The following CSMD2 variants were observed in gnomAD, a reference collection of about 807,000 sequenced individuals.
The protein encoded by CSMD2 is CUB and Sushi multiple domains 2.
In CSMD2, 130 loss-of-function variants were observed where a neutral mutation model predicts 398.5. The observed-to-expected ratio is 0.33, with a 90% confidence interval of 0.28 to 0.38. The LOEUF (loss-of-function observed/expected upper bound fraction) is 0.38, where lower values mean the gene tolerates loss of function less well. CSMD2 is among the 10% of genes least tolerant of loss of function. CSMD2 has a pLI of 1.00. For synonymous variants in CSMD2, 1,828 were observed against 1,908.5 expected (o/e 0.96, Z 1.10); for missense variants, 3,829 against 4,764.9 (o/e 0.80, Z 5.78).
At chr1:33,868,701 A>C (rs993083894) in intron 5 of CSMD2, among the ~76,000 whole-genome samples, 5 of 151,892 alleles carry the variant, frequency 3.3e-5, no homozygotes, top group Admixed American at 2.0e-4. Flanking sequence ...GCACCATTGC[A>C]CTCCAGCCTG....
intron 25 of CSMD2, among the ~76,000 whole-genome samples, chr1:33,679,598 G>T (rs1467742701): frequency 6.6e-6 from 1 of 152,178 alleles, no homozygotes; most frequent in African/African-American, 2.4e-5. Flanking sequence ...AAGCAGCGTT[G>T]CTAAGAGTAT....
chr1:33,983,472 A>G (rs1646242354), intron 3 of CSMD2, among the ~76,000 whole-genome samples: 1 of 152,186 alleles, frequency 6.6e-6, no homozygotes, highest in South Asian at 2.1e-4. Flanking sequence ...GTAATTTCAA[A>G]GAGTCTGCAG....
At chr1:33,841,570 A>G (rs1199279701) in intron 6 of CSMD2, among the ~76,000 whole-genome samples, 1 of 152,102 alleles carries the variant, frequency 6.6e-6, no homozygotes, top group East Asian at 1.9e-4. Flanking sequence ...CATCATTTCC[A>G]TAGACTTGAA....
At chr1:34,093,831 T>C in intron 1 of CSMD2, among the ~76,000 whole-genome samples, 1 of 152,072 alleles carries the variant, frequency 6.6e-6, no homozygotes, top group Non-Finnish European at 1.5e-5. Context: ...TGGAAAACAC[T>C]CTGCAGGATA....
rs2148566321 is a variant in CSMD2, at chr1:33,533,829, G to A, written c.9958C>T (p.Leu3320=). The stretch of plus-strand genomic sequence containing the variant: ...TCAGGTGGGGTTCCACTCCAGGTCA[G>A]GTTTGGGAGGCAGGTCCTGGTGGTG... ...GSTTRTCLPN[L]TWSGTPPDCV... is the part of the protein sequence containing the mutation. Residue 3320 remains leucine (L), a synonymous_variant, in exon 63 of 71, where the codon CTG becomes TTG. Coordinates refer to ENST00000373381, the MANE Select transcript of CSMD2 (RefSeq NM_001281956.2). The surrounding 1 kb of genome is among the most constrained non-coding windows in gnomAD (Gnocchi z 4.2). The A allele has an allele frequency of 6.2e-7, 1 of 1,613,960 alleles. No homozygotes were observed. Among genetic ancestry groups the A allele is most frequent in the African/African-American group, 1.3e-5 (1 of 75,036 alleles).
At chr1:33,890,424 G>T (rs1333199168) in intron 5 of CSMD2, among the ~76,000 whole-genome samples, 6 of 151,976 alleles carry the variant, frequency 3.9e-5, no homozygotes, top group African/African-American at 1.4e-4. Flanking sequence ...TAGAGACGGG[G>T]TTTCACCATG....
At chr1:33,553,264 C>T (rs1424950007) in intron 55 of CSMD2, among the ~76,000 whole-genome samples, 1 of 152,216 alleles carries the variant, frequency 6.6e-6, no homozygotes, top group African/African-American at 2.4e-5. Context: ...CTCTGCATCA[C>T]ATTTTGGTAA....
chr1:34,105,336 AC>A (rs67038024), intron 1 of CSMD2, among the ~76,000 whole-genome samples: 47,077 of 152,138 alleles, frequency 0.31, 8,560 homozygotes, highest in Non-Finnish European at 0.41. Context: ...CAATGTGACA[AC>A]CAAAATTTCT....
chr1:34,108,492 T>C (rs1660739865), intron 1 of CSMD2, among the ~76,000 whole-genome samples: 1 of 152,218 alleles, frequency 6.6e-6, no homozygotes, highest in African/African-American at 2.4e-5. Context: ...GGTGCCTGAC[T>C]GGAGCAAGAG....
chr1:33,909,372 G>T (rs1643317196), intron 5 of CSMD2, among the ~76,000 whole-genome samples: 1 of 152,106 alleles, frequency 6.6e-6, no homozygotes, highest in Non-Finnish European at 1.5e-5. Context: ...CCTCAGAGAG[G>T]TCAGATTTAG....
intron 22 of CSMD2, 33 bp downstream of exon 22, chr1:33,709,056 T>C (rs758472258): frequency 5.3e-5 from 84 of 1,575,368 alleles, no homozygotes; most frequent in Admixed American, 2.3e-4. Flanking sequence ...TTGCATACTA[T>C]AACACACATA....
intron 15 of CSMD2, 53 bp downstream of exon 15, chr1:33,739,087 C>A: frequency 6.4e-7 from 1 of 1,554,052 alleles, no homozygotes; most frequent in Non-Finnish European, 8.7e-7. Context: ...TGCTCCCCCT[C>A]CCCAGCCTCT....
chr1:33,670,972 T>C (rs527667601), intron 25 of CSMD2, among the ~76,000 whole-genome samples: 1 of 151,938 alleles, frequency 6.6e-6, no homozygotes, highest in East Asian at 1.9e-4. Flanking sequence ...TGAGTCCAGA[T>C]GAAGGGGGTG....
At chr1:33,943,193 T>TA (rs1263184387) in intron 3 of CSMD2, among the ~76,000 whole-genome samples, 1 of 152,112 alleles carries the variant, frequency 6.6e-6, no homozygotes, top group Non-Finnish European at 1.5e-5. Flanking sequence ...AAAAAGGAAA[T>TA]AAAAAGAAAA....
intron 13 of CSMD2, among the ~76,000 whole-genome samples, chr1:33,757,298 AAAGTAT>A (rs1454611236): frequency 3.3e-5 from 5 of 151,882 alleles, no homozygotes; most frequent in East Asian, 1.9e-4. Context: ...CCTAAAACTT[AAAGTAT>A]AATAATAAAA....
intron 7 of CSMD2, among the ~76,000 whole-genome samples, chr1:33,823,881 T>G (rs1366415077): frequency 6.6e-6 from 1 of 152,170 alleles, no homozygotes; most frequent in Non-Finnish European, 1.5e-5. Context: ...CTGAGGGAGT[T>G]TTTGGCATCT....
At chr1:33,613,152 C>G (rs1641144777) in intron 40 of CSMD2, among the ~76,000 whole-genome samples, 1 of 152,208 alleles carries the variant, frequency 6.6e-6, no homozygotes, top group Non-Finnish European at 1.5e-5. Context: ...CCAACATTAA[C>G]TTGAAAGCAA....
At chr1:33,885,762 T>C (rs1641551034) in intron 5 of CSMD2, among the ~76,000 whole-genome samples, 1 of 152,208 alleles carries the variant, frequency 6.6e-6, no homozygotes. Context: ...TGGAGAAAGA[T>C]ACCACCAGTT....
At chr1:33,726,739 A>G (rs1314235167) in intron 15 of CSMD2, 54 bp from the exon 16 acceptor site, 5 of 1,544,204 alleles carry the variant, frequency 3.2e-6, no homozygotes, top group East Asian at 2.3e-5. Flanking sequence ...ATGAGTAAAC[A>G]AACAGAAAAT....
Sources: allele counts gnomAD v4.1 joint callset (sites outside exome capture counted in the v4.1 genomes callset), GRCh38; gene constraint gnomAD v4.1.1; non-coding constraint Gnocchi (gnomAD v3.1); transcripts MANE v1.5; gene names NCBI Gene and HGNC (gene_info 2026-07-23, HGNC 2026-07-21).